NFASC: variants seen among roughly 807,000 people sequenced by gnomAD.
NFASC encodes neurofascin.
In NFASC, 43 loss-of-function variants were observed where a neutral mutation model predicts 147.5. The observed-to-expected ratio is 0.29, with a 90% CI of 0.23 to 0.38. NFASC has a LOEUF of 0.38. NFASC is among the 10% of genes least tolerant of loss of function. The pLI, the probability that NFASC is intolerant of heterozygous loss-of-function variation, is 1.00. For synonymous variants in NFASC, 622 were observed against 665.5 expected, an observed-to-expected ratio of 0.93 and a Z score of 1.01; for missense variants, 1,320 against 1,689.0, an observed-to-expected ratio of 0.78 and a Z score of 3.83.
At chr1:205,006,104 A>T (rs565666579) in intron 27 of NFASC, among the ~76,000 whole-genome samples, 1 of 152,332 alleles carries the variant, frequency 6.6e-6, no homozygotes, top group South Asian at 2.1e-4. Flanking sequence ...TGTTGAAGTA[A>T]TTCCTTCATC....
intron 2 of NFASC, among the ~76,000 whole-genome samples, chr1:204,924,087 G>A (rs750441043): frequency 3.9e-5 from 6 of 152,236 alleles, no homozygotes; most frequent in Non-Finnish European, 5.9e-5. Context: ...GCAGCCGCCA[G>A]CGCTTTGCAA....
At chr1:204,919,632 A>G (rs1001099232) in intron 1 of NFASC, among the ~76,000 whole-genome samples, 7 of 151,868 alleles carry the variant, frequency 4.6e-5, no homozygotes, top group Admixed American at 3.9e-4. Context: ...TCCTGCAGAC[A>G]CTTTTTTTGG....
At chr1:204,858,350 C>T (rs1022543037) in intron 1 of NFASC, among the ~76,000 whole-genome samples, 9 of 152,124 alleles carry the variant, frequency 5.9e-5, no homozygotes, top group African/African-American at 9.7e-5. Context: ...GCACCCATAC[C>T]GGGATAGAAC....
chr1:204,992,658 C>T (rs1296027017), intron 24 of NFASC, among the ~76,000 whole-genome samples: 3 of 152,258 alleles, frequency 2.0e-5, no homozygotes, highest in East Asian at 1.9e-4. Context: ...TTGAAGTTTA[C>T]GTAAGTCTCT....
At chr1:204,861,592 C>G (rs893606133) in intron 1 of NFASC, among the ~76,000 whole-genome samples, 2 of 152,326 alleles carry the variant, frequency 1.3e-5, no homozygotes, top group Non-Finnish European at 2.9e-5. Context: ...AGGGTTCACG[C>G]CATTCTCCTG....
intron 8 of NFASC, chr1:204,962,013 G>A: frequency 1.0e-6 from 1 of 965,284 alleles, no homozygotes. Flanking sequence ...CTCCTCAGTT[G>A]TTTTTCTGGC....
In NFASC at chr1:204,987,129, CAT is replaced by C. The variant is rs1231331643; in HGVS notation, c.2471-288_2471-287del. 6 of 460,408 alleles carry C rather than the reference CAT, an allele frequency of 1.3e-5. No homozygotes were observed. The highest frequency in any genetic ancestry group is 3.8e-5 in the East Asian group (1 of 26,420). The allele number at this position is 460,408 out of a possible 1,614,324, so 28.5% of individuals were successfully genotyped here. A position where few individuals can be genotyped will look rare whatever the true frequency, so the allele number is the denominator to read the frequency against. ...GTATCTTTGCAGAATCAGAGCCTAA[CAT>C]GTGCTGAATCCAGAGTAGTTGCTAG... On this transcript the variant is annotated intron_variant, in intron 21 of 29. Coordinates refer to ENST00000339876, the MANE Select transcript of NFASC (RefSeq NM_001005388.3). The surrounding 1 kb of genome is among the most constrained non-coding windows in gnomAD (Gnocchi z 4.4).
intron 1 of NFASC, among the ~76,000 whole-genome samples, chr1:204,842,991 G>GT (rs1675816028): frequency 6.6e-6 from 1 of 152,208 alleles, no homozygotes; most frequent in African/African-American, 2.4e-5. Flanking sequence ...AGTGGGTCAG[G>GT]GCTGGGTCAG....
intron 1 of NFASC, among the ~76,000 whole-genome samples, chr1:204,836,686 G>A (rs1322163817): frequency 1.3e-5 from 2 of 152,240 alleles, no homozygotes; most frequent in East Asian, 3.8e-4. Context: ...CATGTTGGAG[G>A]TGAATGTCTT....
chr1:205,020,850 A>G lies in NFASC; in HGVS notation c.*4311A>G, dbSNP rs575336340. 1.3e-5 allele frequency: 2 copies of G among 152,202 alleles called. No homozygotes were observed. Among genetic ancestry groups the G allele is most frequent in the East Asian group, 1.9e-4 (1 of 5,172 alleles). 9.4% of individuals were successfully genotyped at this position (152,202 alleles called of 1,614,324 possible). A position where few individuals can be genotyped will look rare whatever the true frequency, so the allele number is the denominator to read the frequency against. ...CGGCACAAGGCACCGCTCCCCACTCATGACACCTTGGTGCAGAGTGACCTC... is the reference window on the plus strand; with the variant it reads ...CGGCACAAGGCACCGCTCCCCACTCGTGACACCTTGGTGCAGAGTGACCTC... On this transcript the variant is annotated 3_prime_UTR_variant, in exon 30 of 30. Transcript: ENST00000339876.
intron 1 of NFASC, among the ~76,000 whole-genome samples, chr1:204,868,877 C>G (rs1158985823): frequency 1.3e-5 from 2 of 152,210 alleles, no homozygotes; most frequent in Non-Finnish European, 2.9e-5. Context: ...TGGGATCAAT[C>G]TGATCTCTCC....
chr1:204,872,640 G>A (rs1025221327), intron 1 of NFASC, among the ~76,000 whole-genome samples: 5 of 152,146 alleles, frequency 3.3e-5, no homozygotes, highest in African/African-American at 1.2e-4. Context: ...TTTGCTGTGG[G>A]AGGCTTCCTG....
At chr1:204,838,952 G>A (rs1674519723) in intron 1 of NFASC, among the ~76,000 whole-genome samples, 1 of 152,352 alleles carries the variant, frequency 6.6e-6, no homozygotes. Context: ...CAAAAGACTG[G>A]AGCAGAAAAT....
In NFASC at chr1:204,831,528, A is replaced by C. The variant is rs1469953496; in HGVS notation, c.-200+2746A>C. 4.0e-5 allele frequency among the ~76,000 whole-genome samples: 6 copies of C among 151,602 alleles called. No homozygotes were observed. In the East Asian group the frequency reaches 1.2e-3, roughly 30 times the overall value. On this transcript the variant is annotated intron_variant, in intron 1 of 29. Transcript: ENST00000339876. ...ATCAGTATATTGCAACTTGTTTCCT[A>C]CCTCTGGCTCCACTCTTCTCCCTCA...
chr1:204,905,295 C>G (rs571450756), intron 1 of NFASC, among the ~76,000 whole-genome samples: 7 of 151,920 alleles, frequency 4.6e-5, no homozygotes, highest in African/African-American at 1.5e-4. Flanking sequence ...TCCTTAGAAG[C>G]TGCACTATTT....
At chr1:204,917,094 A>G (rs1271698556) in intron 1 of NFASC, among the ~76,000 whole-genome samples, 1 of 152,124 alleles carries the variant, frequency 6.6e-6, no homozygotes, top group African/African-American at 2.4e-5. Context: ...ACACATACCT[A>G]TGGGCCCAGC....
intron 21 of NFASC, chr1:204,984,067 G>A (rs1245427141): frequency 2.4e-5 from 38 of 1,614,056 alleles, no homozygotes; most frequent in Non-Finnish European, 3.1e-5. Context: ...TCCGAGTCAT[G>A]AACAGCACAG....
At chr1:204,855,361 G>A (rs908043110) in intron 1 of NFASC, among the ~76,000 whole-genome samples, 1 of 152,238 alleles carries the variant, frequency 6.6e-6, no homozygotes. Flanking sequence ...ACTGTTGACT[G>A]GAGTCATTGG....
chr1:204,946,322 A>G (rs2093728561), intron 3 of NFASC: 1 of 514,270 alleles, frequency 1.9e-6, no homozygotes, highest in Admixed American at 2.0e-5. Flanking sequence ...CTAACCCTCA[A>G]CATAGGTGTT....
Sources: allele counts gnomAD v4.1 joint callset (sites outside exome capture counted in the v4.1 genomes callset), GRCh38; gene constraint gnomAD v4.1.1; non-coding constraint Gnocchi (gnomAD v3.1); transcripts MANE v1.5; gene names NCBI Gene and HGNC (gene_info 2026-07-23, HGNC 2026-07-21).